Variants in KLF12 observed in about 807,000 individuals in gnomAD.
The protein encoded by KLF12 is KLF transcription factor 12.
KLF12 carries 9 observed loss-of-function variants against 37.8 expected under a neutral mutation model. The observed-to-expected ratio is 0.24, with a 90% CI of 0.14 to 0.42. KLF12 has a LOEUF of 0.42. KLF12 is among the 10% of genes least tolerant of loss of function. KLF12 has a pLI of 1.00. For synonymous variants in KLF12, 208 were observed against 202.1 expected, an observed-to-expected ratio of 1.03 and a Z score of -0.25; for missense variants, 411 against 516.0, an observed-to-expected ratio of 0.80 and a Z score of 1.97.
chr13:74,097,829 C>A (rs1305966890), intron 1 of KLF12, among the ~76,000 whole-genome samples: 1 of 151,424 alleles, frequency 6.6e-6, no homozygotes, highest in Admixed American at 6.6e-5. Context: ...ACTTCAGACC[C>A]CAACTCCACA....
At chr13:74,123,059 A>G (rs945515621) in intron 1 of KLF12, among the ~76,000 whole-genome samples, 1 of 151,822 alleles carries the variant, frequency 6.6e-6, no homozygotes, top group Admixed American at 6.6e-5. Context: ...CATTAAAGCG[A>G]GCTTTTGCAA....
rs373630775 is a variant in KLF12, at chr13:73,689,443, AAT to A, written c.*6045_*6046del. ...ATAGCCTCAGTAGCTTGTTTGGGTG[AAT>A]TTGTGCTCTGAGATGGCAGGGTTGG... On this transcript the variant is annotated 3_prime_UTR_variant, in exon 8 of 8. Transcript: ENST00000377669. 6.6e-6 allele frequency: 1 copy of A among 152,208 alleles called. No individual in the cohort carries two copies. The highest frequency in any genetic ancestry group is 2.4e-5 in the African/African-American group (1 of 41,516). 9.4% of individuals were successfully genotyped at this position (152,208 alleles called of 1,614,324 possible). A position where few individuals can be genotyped will look rare whatever the true frequency, so the allele number is the denominator to read the frequency against.
chr13:74,237,784 C>G, the KLF12 span, among the ~76,000 whole-genome samples: 135 of 152,268 alleles, frequency 8.9e-4, no homozygotes, highest in African/African-American at 3.2e-3. Context: ...TTTGTACATT[C>G]ATTTTGTATG....
the KLF12 span, among the ~76,000 whole-genome samples, chr13:74,176,738 C>G: frequency 2.0e-5 from 3 of 152,088 alleles, no homozygotes; most frequent in African/African-American, 7.2e-5. Context: ...AACTCAAGGA[C>G]CTGCTAACTC....
rs566841101 is a variant in KLF12 at position 74,125,457 on chromosome 13, T to C, written c.-32+8282A>G. Among the ~76,000 whole-genome samples, 14 of 152,298 alleles carry C rather than the reference T, an allele frequency of 9.2e-5. No homozygotes were observed. The South Asian group carries it at 1.9e-3, about 20-fold the overall frequency. On this transcript the variant is annotated intron_variant, in intron 1 of 7. Coordinates refer to ENST00000377669, the MANE Select transcript of KLF12 (RefSeq NM_007249.5). ...CTGGATATTGTGCTACCCATTTTCA[T>C]ATAAGGGTCTATAGATGTAGTAGGA... is the stretch of plus-strand genomic sequence containing the variant.
At chr13:73,854,108 T>C (rs1885478967) in intron 3 of KLF12, among the ~76,000 whole-genome samples, 1 of 152,214 alleles carries the variant, frequency 6.6e-6, no homozygotes, top group Non-Finnish European at 1.5e-5. Flanking sequence ...CTTTTCCTCA[T>C]GATTAGAATT....
At chr13:73,711,562 T>C (rs763285605) in intron 7 of KLF12, among the ~76,000 whole-genome samples, 2 of 152,158 alleles carry the variant, frequency 1.3e-5, no homozygotes, top group Non-Finnish European at 2.9e-5. Context: ...AAGCTTGGAT[T>C]TTACAGCATG....
intron 1 of KLF12, among the ~76,000 whole-genome samples, chr13:74,012,913 A>C (rs984420492): frequency 6.6e-6 from 1 of 152,238 alleles, no homozygotes; most frequent in Non-Finnish European, 1.5e-5. Context: ...TCCCTGCCTT[A>C]CTTCGATAGA....
intron 3 of KLF12, among the ~76,000 whole-genome samples, chr13:73,876,199 G>A: frequency 6.6e-6 from 1 of 151,846 alleles, no homozygotes; most frequent in East Asian, 1.9e-4. Context: ...TAATCTGGAG[G>A]TTCAACTAGC....
chr13:73,702,350 G>C lies in KLF12; in HGVS notation c.1028-6679C>G, dbSNP rs539817280. Reference sequence around the variant, plus strand: ...AGAATAAAGTCTAAAGAAAACACCAGGTATTGAATGGATTCCCAAAACCCA... The same window carrying C: ...AGAATAAAGTCTAAAGAAAACACCACGTATTGAATGGATTCCCAAAACCCA... On this transcript the variant is annotated intron_variant, in intron 7 of 7. Transcript: ENST00000377669. 7.9e-4 allele frequency among the ~76,000 whole-genome samples: 120 copies of C among 152,162 alleles called. 1 individual carries two copies. Among genetic ancestry groups the C allele is most frequent in the African/African-American group, 2.6e-3 (110 of 41,510 alleles).
chr13:73,917,489 T>C lies in KLF12; in HGVS notation c.123+26492A>G, dbSNP rs1284111701. On this transcript the variant is annotated intron_variant, in intron 3 of 7. Transcript: ENST00000377669. ...GCCCATACTGCTTATGACATACATA[T>C]ATGATGGCAACATAGAAGTATATTT... 2.0e-5 allele frequency among the ~76,000 whole-genome samples: 3 copies of C among 152,236 alleles called. No individual in the cohort carries two copies. In the East Asian group the frequency reaches 5.8e-4, roughly 29 times the overall value.
At chr13:73,835,300 G>C (rs371907444) in intron 4 of KLF12, among the ~76,000 whole-genome samples, 5 of 152,026 alleles carry the variant, frequency 3.3e-5, no homozygotes, top group African/African-American at 9.7e-5. Context: ...TAGAGTTCTC[G>C]TGTCTTTCAG....
chr13:73,687,121 T>C lies in KLF12; in HGVS notation c.*8369A>G, dbSNP rs1267234322. The C allele has an allele frequency of 6.5e-6, 1 of 152,684 alleles. No individual in the cohort carries two copies. Among genetic ancestry groups the C allele is most frequent in the Non-Finnish European group, 1.5e-5 (1 of 68,048 alleles). 9.5% of individuals were successfully genotyped at this position (152,684 alleles called of 1,614,324 possible). The stretch of plus-strand genomic sequence containing the variant: ...TTCACAACACAAAGTTCTGAGTACA[T>C]TCTTCTATGGACAAACATGAATTTG... On this transcript the variant is annotated 3_prime_UTR_variant, in exon 8 of 8. Transcript: ENST00000377669.
chr13:73,795,284 CA>C (rs1399104683), intron 5 of KLF12, among the ~76,000 whole-genome samples: 4 of 152,062 alleles, frequency 2.6e-5, no homozygotes, highest in African/African-American at 7.2e-5. Context: ...CTGTAATGCA[CA>C]AAAAAATTTA....
At chr13:73,862,084 G>C (rs1368774358) in intron 3 of KLF12, among the ~76,000 whole-genome samples, 1 of 150,392 alleles carries the variant, frequency 6.6e-6, no homozygotes, top group Non-Finnish European at 1.5e-5. Context: ...AAAATCAAAG[G>C]GTATTGAGGT....
the KLF12 span, among the ~76,000 whole-genome samples, chr13:74,249,334 C>G: frequency 9.6e-6 from 1 of 104,150 alleles, no homozygotes; most frequent in Non-Finnish European, 1.9e-5. Context: ...AAAGCAGGAG[C>G]ATCACACACA....
chr13:73,738,935 G>A (rs78124749), intron 6 of KLF12, among the ~76,000 whole-genome samples: 2,593 of 152,142 alleles, frequency 0.017, 62 homozygotes, highest in African/African-American at 0.055. Context: ...TCTATAAAAC[G>A]GAATAAATAA....
At chr13:73,758,196 C>G (rs949082117) in intron 6 of KLF12, among the ~76,000 whole-genome samples, 1 of 152,010 alleles carries the variant, frequency 6.6e-6, no homozygotes, top group Non-Finnish European at 1.5e-5. Flanking sequence ...CTACTGCACC[C>G]AGCTATTTTA....
At chr13:73,981,526 T>C (rs1489657280) in intron 2 of KLF12, among the ~76,000 whole-genome samples, 1 of 152,216 alleles carries the variant, frequency 6.6e-6, no homozygotes, top group Non-Finnish European at 1.5e-5. Context: ...ATAAACAGTA[T>C]GGTACTATTC....
Sources: gnomAD v4.1 joint callset for allele counts (sites outside exome capture counted in the v4.1 genomes callset) on GRCh38, gnomAD v4.1.1 for gene constraint, MANE v1.5 for transcripts, NCBI Gene and HGNC (gene_info 2026-07-23, HGNC 2026-07-21) for gene names.